The following RBM25 variants were observed in gnomAD, a reference collection of about 807,000 sequenced individuals.
RBM25 encodes the protein RNA binding motif protein 25.
A neutral mutation model predicts 120.7 loss-of-function variants in RBM25; 19 were observed. The observed-to-expected ratio is 0.16, with a 90% CI of 0.11 to 0.23. The LOEUF (loss-of-function observed/expected upper bound fraction) is 0.23. Ranked by LOEUF, RBM25 falls within the 10% of genes least tolerant of loss-of-function variation. The pLI, the probability that RBM25 is intolerant of heterozygous loss-of-function variation, is 1.00. For synonymous variants in RBM25, 390 were observed against 326.7 expected, an observed-to-expected ratio of 1.19 and a Z score of -2.09; for missense variants, 605 against 1,041.5, an observed-to-expected ratio of 0.58 and a Z score of 5.77.
chr14:73,111,247 C>A, intron 15 of RBM25, 92 bp downstream of exon 15: 1 of 1,128,718 alleles, frequency 8.9e-7, no homozygotes, highest in Non-Finnish European at 1.2e-6. Context: ...TATATTTGTG[C>A]TTGGTTAGGT....
At position 73,067,604 on chromosome 14, in the gene RBM25, ATTTTTTT is replaced by A. The variant is rs1050067182; in HGVS notation, c.-15-4012_-15-4006del. On this transcript the variant is annotated intron_variant, in intron 1 of 18. Coordinates refer to ENST00000261973, the MANE Select transcript of RBM25 (RefSeq NM_021239.3). Reference sequence around the variant, plus strand: ...ATTTTTTTCATGTTTTATTGCCTGTATTTTTTTTTTTTTTTTTGAAACAGAGTCTCGC... The same window carrying A: ...ATTTTTTTCATGTTTTATTGCCTGTATTTTTTTTTTGAAACAGAGTCTCGC... 8.1e-4 allele frequency among the ~76,000 whole-genome samples: 86 copies of A among 106,332 alleles called. No individual in the cohort carries two copies. In the East Asian group the frequency reaches 0.022, roughly 27 times the overall value. 69.8% of individuals were successfully genotyped at this position (106,332 alleles called of 152,430 possible). A position where few individuals can be genotyped will look rare whatever the true frequency, so the allele number is the denominator to read the frequency against.
At chr14:73,085,130 A>G (rs1895654396) in intron 5 of RBM25, among the ~76,000 whole-genome samples, 1 of 151,192 alleles carries the variant, frequency 6.6e-6, no homozygotes, top group Admixed American at 6.6e-5. Context: ...ACGATTCTCC[A>G]GCCTCAGCCT....
intron 1 of RBM25, among the ~76,000 whole-genome samples, chr14:73,070,092 C>T (rs1341192056): frequency 6.6e-6 from 1 of 151,328 alleles, no homozygotes; most frequent in Non-Finnish European, 1.5e-5. Context: ...TCTTTTTCTT[C>T]CCACCCCGAG....
intron 6 of RBM25, 102 bp from the exon 7 acceptor site, chr14:73,096,813 A>G: frequency 2.1e-6 from 2 of 965,178 alleles, no homozygotes; most frequent in Non-Finnish European, 3.1e-6. Flanking sequence ...GACTACAGAG[A>G]TGTTTTTGAG....
At chr14:73,099,310 A>G (rs1402007218) in intron 7 of RBM25, 70 bp from the exon 8 acceptor site, 7 of 1,364,286 alleles carry the variant, frequency 5.1e-6, no homozygotes, top group Non-Finnish European at 7.2e-6. Context: ...TGTATAGGGC[A>G]TTGCTTTGCA....
chr14:73,086,911 G>T (rs1026128033), intron 5 of RBM25, among the ~76,000 whole-genome samples: 5 of 152,072 alleles, frequency 3.3e-5, no homozygotes, highest in Non-Finnish European at 7.4e-5. Flanking sequence ...CACCATGTTG[G>T]CCAGGCTGGT....
intron 4 of RBM25, among the ~76,000 whole-genome samples, chr14:73,077,925 C>G (rs1236589346): frequency 6.6e-6 from 1 of 152,150 alleles, no homozygotes; most frequent in Non-Finnish European, 1.5e-5. Context: ...TAGTCCTTTG[C>G]AAGGCTGAGG....
chr14:73,106,120 TC>T, intron 11 of RBM25, 39 bp downstream of exon 11: 1 of 1,593,452 alleles, frequency 6.3e-7, no homozygotes, highest in South Asian at 1.2e-5. Context: ...AATCTTGGTA[TC>T]CCTTAATAGG....
intron 13 of RBM25, among the ~76,000 whole-genome samples, chr14:73,108,876 A>G (rs1224485936): frequency 6.6e-6 from 1 of 152,220 alleles, no homozygotes; most frequent in African/African-American, 2.4e-5. Context: ...GAACTGCTAG[A>G]TAGGAGAGAA....
At chr14:73,086,387 G>A (rs1263863959) in intron 5 of RBM25, among the ~76,000 whole-genome samples, 1 of 150,884 alleles carries the variant, frequency 6.6e-6, no homozygotes, top group Non-Finnish European at 1.5e-5. Context: ...GCAGTGAGCC[G>A]AGATTGCACC....
chr14:73,062,262 G>A (rs1296479157), intron 1 of RBM25, among the ~76,000 whole-genome samples: 1 of 151,396 alleles, frequency 6.6e-6, no homozygotes, highest in Non-Finnish European at 1.5e-5. Context: ...TGCTGTAAAA[G>A]TAGTTTTTCT....
intron 9 of RBM25, chr14:73,099,956 C>A: frequency 1.5e-6 from 1 of 678,436 alleles, no homozygotes; most frequent in Non-Finnish European, 2.2e-6. Flanking sequence ...TTTTCAGTTA[C>A]TGACTATTCT....
chr14:73,105,075 G>A (rs1410976150), intron 10 of RBM25, among the ~76,000 whole-genome samples: 1 of 53,752 alleles, frequency 1.9e-5, no homozygotes, highest in Non-Finnish European at 4.5e-5. Flanking sequence ...AGAGTTATTT[G>A]ATTAGATCCT....
At position 73,069,447 on chromosome 14, in the gene RBM25, TTTTG is replaced by T. The variant is rs567297933; in HGVS notation, c.-15-2172_-15-2169del. On this transcript the variant is annotated intron_variant, in intron 1 of 18. Coordinates refer to ENST00000261973, the MANE Select transcript of RBM25 (RefSeq NM_021239.3). Reference sequence around the variant, plus strand: ...AAGACAAAATAGTAGAGACAAATATTTTTGTTTGTTTTTTGAGATGGAATTTTGC... The same window carrying T: ...AAGACAAAATAGTAGAGACAAATATTTTTGTTTTTTGAGATGGAATTTTGC... Among the ~76,000 whole-genome samples the T allele has an allele frequency of 3.7e-4, 57 of 152,168 alleles. No individual in the cohort carries two copies. In the East Asian group the frequency reaches 9.7e-3, roughly 26 times the overall value.
chr14:73,068,535 T>G (rs1895198326), intron 1 of RBM25: 3 of 753,472 alleles, frequency 4.0e-6, no homozygotes, highest in Non-Finnish European at 6.7e-6. Flanking sequence ...GGTTTTAACA[T>G]TAGATGACCA....
chr14:73,064,640 G>T (rs1006821988), intron 1 of RBM25, among the ~76,000 whole-genome samples: 4 of 151,094 alleles, frequency 2.6e-5, no homozygotes, highest in African/African-American at 9.7e-5. Context: ...TGATCCGCCC[G>T]CCTCAGCCTC....
Position 73,109,454 on chromosome 14 carries a change from G to T in RBM25, c.1654G>T (p.Ala552Ser). The change falls in exon 14 of 19, where the codon GCA becomes TCA. Residue 552 changes from alanine (A) to serine (S), a missense_variant. Physicochemically the swap from Ala to Ser is moderately conservative, Grantham distance 99. Around this residue, in one of 4 missense-constraint regions of RBM25, gnomAD observed 465 missense variants for 741.6 expected, o/e 0.63. Transcript: ENST00000261973. ...ELEEIRQRLL[A>S]EGHPDPDAEL... ...TGAGGAAATCAGGCAGCGCCTTCTGGCAGAAGGGCATCCAGATCCAGATGC... is the reference window on the plus strand; with the variant it reads ...TGAGGAAATCAGGCAGCGCCTTCTGTCAGAAGGGCATCCAGATCCAGATGC... 1.2e-6 allele frequency: 2 copies of T among 1,614,110 alleles called. No individual in the cohort carries two copies. The highest frequency in any genetic ancestry group is 2.2e-5 in the South Asian group (2 of 91,082).
In RBM25 at chr14:73,111,794, G is replaced by A. The variant is rs150821683; in HGVS notation, c.2284G>A (p.Val762Met). 1.3e-6 allele frequency: 2 copies of A among 1,583,590 alleles called. No individual in the cohort carries two copies. The highest frequency in any genetic ancestry group is 1.7e-6 in the Non-Finnish European group (2 of 1,169,292). The change falls in exon 16 of 19, where the codon GTG (valine) becomes ATG (methionine). Residue 762 changes from valine to methionine, a missense_variant. Transcript: ENST00000261973. ...LFAYPLDWSI[V>M]DSILMERRIR... is the part of the protein sequence containing the mutation. ...CGCTTATCCCCTGGATTGGTCTATT[G>A]TGGATTCTGTGAGTAGGAAATTATA...
At chr14:73,081,457 C>A (rs531971774) in intron 4 of RBM25, among the ~76,000 whole-genome samples, 1 of 152,068 alleles carries the variant, frequency 6.6e-6, no homozygotes, top group Non-Finnish European at 1.5e-5. Context: ...TCCCTTTGTT[C>A]GTCTCATGTG....
Sources: gnomAD v4.1 joint callset for allele counts (sites outside exome capture counted in the v4.1 genomes callset) on GRCh38, gnomAD v4.1.1 for gene constraint, gnomAD v4.1.1 regional missense constraint, MANE v1.5 for transcripts, NCBI Gene and HGNC (gene_info 2026-07-23, HGNC 2026-07-21) for gene names.